Variants in ADORA2B observed in about 807,000 individuals in gnomAD.
ADORA2B encodes the protein adenosine receptor A2b.
Under a neutral mutation model 20.8 loss-of-function variants are expected in ADORA2B, and 18 were observed. The observed-to-expected ratio is 0.87, with a 90% confidence interval of 0.60 to 1.29. The LOEUF (loss-of-function observed/expected upper bound fraction) is 1.29, where lower values mean the gene tolerates loss of function less well. ADORA2B is among the 50% of genes most tolerant of loss of function. ADORA2B has a pLI of 0.00. For synonymous variants in ADORA2B, 179 were observed against 178.3 expected, an observed-to-expected ratio of 1.00 and a Z score of -0.03; for missense variants, 441 against 422.7, an observed-to-expected ratio of 1.04 and a Z score of -0.38.
chr17:15,869,210 C>T, the ADORA2B span, among the ~76,000 whole-genome samples: 3 of 151,566 alleles, frequency 2.0e-5, no homozygotes, highest in Non-Finnish European at 4.4e-5. Flanking sequence ...ATCCCAGCTA[C>T]TCGGGAGGCT....
chr17:15,968,211 G>T (rs2151607546), intron 1 of ADORA2B, among the ~76,000 whole-genome samples: 1 of 152,324 alleles, frequency 6.6e-6, no homozygotes, highest in African/African-American at 2.4e-5. Context: ...AACAGCACAG[G>T]TTTGAACTAT....
chr17:15,931,349 G>T, the ADORA2B span, among the ~76,000 whole-genome samples: 1 of 152,214 alleles, frequency 6.6e-6, no homozygotes, highest in East Asian at 1.9e-4. Flanking sequence ...GAAACCTTCA[G>T]TCCTCCCCAG....
chr17:15,866,736 T>TGCCGCTGCCG, the ADORA2B span, among the ~76,000 whole-genome samples: 4 of 130,976 alleles, frequency 3.1e-5, no homozygotes, highest in African/African-American at 1.2e-4. Context: ...TGCCGCTGCC[T>TGCCGCTGCCG]CTGCCTCTGC....
chr17:15,903,217 G>A, the ADORA2B span, among the ~76,000 whole-genome samples: 883 of 152,270 alleles, frequency 5.8e-3, 2 homozygotes, highest in Non-Finnish European at 9.0e-3. Context: ...GCTTTTGCAA[G>A]AAACATGGCA....
the ADORA2B span, among the ~76,000 whole-genome samples, chr17:15,874,129 C>T: frequency 1.3e-5 from 2 of 150,942 alleles, no homozygotes; most frequent in Non-Finnish European, 2.9e-5. Context: ...CACACACACA[C>T]ACACACACAC....
At chr17:15,866,700 T>TGCCGCTGCCGCTGCCG in the ADORA2B span, among the ~76,000 whole-genome samples, 9 of 123,246 alleles carry the variant, frequency 7.3e-5, no homozygotes, top group African/African-American at 2.7e-4. Context: ...TGCCTCTGCC[T>TGCCGCTGCCGCTGCCG]CTGCCGCTGC....
the ADORA2B span, among the ~76,000 whole-genome samples, chr17:15,874,635 T>C: frequency 6.6e-6 from 1 of 152,052 alleles, no homozygotes; most frequent in Non-Finnish European, 1.5e-5. Flanking sequence ...AAGGCTGCAG[T>C]GAACTGTGAT....
the ADORA2B span, among the ~76,000 whole-genome samples, chr17:15,862,617 AT>A: frequency 6.6e-6 from 1 of 151,834 alleles, no homozygotes; most frequent in Middle Eastern, 3.2e-3. Flanking sequence ...CTTAATCTCC[AT>A]TTATGCTGTA....
At chr17:15,876,150 A>G in the ADORA2B span, among the ~76,000 whole-genome samples, 2 of 152,018 alleles carry the variant, frequency 1.3e-5, no homozygotes, top group Non-Finnish European at 2.9e-5. Flanking sequence ...GGGTTCATAG[A>G]AGGTAAAATT....
chr17:15,868,508 C>A, the ADORA2B span, among the ~76,000 whole-genome samples: 1 of 138,400 alleles, frequency 7.2e-6, no homozygotes, highest in Non-Finnish European at 1.6e-5. Flanking sequence ...TGTGGTGGCT[C>A]ACGCCTGTAA....
the ADORA2B span, among the ~76,000 whole-genome samples, chr17:15,879,540 C>CT: frequency 0.039 from 5,496 of 139,368 alleles, 356 homozygotes; most frequent in African/African-American, 0.13. Flanking sequence ...AAAGGATTTT[C>CT]TTTTTTTTTT....
At chr17:15,895,866 A>G in the ADORA2B span, among the ~76,000 whole-genome samples, 3 of 152,148 alleles carry the variant, frequency 2.0e-5, no homozygotes, top group African/African-American at 7.2e-5. Flanking sequence ...GGAACAAGAG[A>G]CAAGGCCCTG....
At chr17:15,962,926 A>T (rs112692244) in intron 1 of ADORA2B, among the ~76,000 whole-genome samples, 7 of 152,204 alleles carry the variant, frequency 4.6e-5, no homozygotes, top group African/African-American at 1.7e-4. Flanking sequence ...ATATTTTGGC[A>T]TAGAAAGGTA....
At chr17:15,907,976 C>G in the ADORA2B span, among the ~76,000 whole-genome samples, 465 of 152,294 alleles carry the variant, frequency 3.1e-3, 3 homozygotes, top group African/African-American at 0.011. Context: ...AATGCTCAGC[C>G]CACATAATAG....
the ADORA2B span, among the ~76,000 whole-genome samples, chr17:15,933,761 C>T: frequency 2.7e-5 from 4 of 149,470 alleles, no homozygotes; most frequent in African/African-American, 9.9e-5. Context: ...TTGCAATATA[C>T]ATATATGTGT....
At position 15,946,229 on chromosome 17, in the gene ADORA2B, T is replaced by TA. The variant is rs1410240759; in HGVS notation, c.335+647dup. Among the ~76,000 whole-genome samples the TA allele has an allele frequency of 5.3e-5, 8 of 152,372 alleles. No homozygotes were observed. In the South Asian group the frequency reaches 1.7e-3, roughly 32 times the overall value. On this transcript the variant is annotated intron_variant, in intron 1 of 1. Coordinates refer to ENST00000304222, the MANE Select transcript of ADORA2B (RefSeq NM_000676.4). ...CAGATTATATACTTTTAAAAGGAGT[T>TA]ACAATGCTTCCTCGTGTCTGGCAAA...
At chr17:15,946,790 C>T (rs150255463) in intron 1 of ADORA2B, among the ~76,000 whole-genome samples, 3 of 152,222 alleles carry the variant, frequency 2.0e-5, no homozygotes, top group South Asian at 2.1e-4. Flanking sequence ...CAGCTGGCAC[C>T]GTGTCCCCAC....
intron 1 of ADORA2B, among the ~76,000 whole-genome samples, chr17:15,947,544 C>G (rs914604373): frequency 6.6e-6 from 1 of 152,232 alleles, no homozygotes; most frequent in Non-Finnish European, 1.5e-5. Flanking sequence ...CACTGAGGCT[C>G]GCCCCATCCT....
At chr17:15,901,070 G>A in the ADORA2B span, among the ~76,000 whole-genome samples, 1 of 152,168 alleles carries the variant, frequency 6.6e-6, no homozygotes, top group African/African-American at 2.4e-5. Flanking sequence ...TGCACACACA[G>A]ACTGGGTGCT....
Sources: gnomAD v4.1 joint callset for allele counts (sites outside exome capture counted in the v4.1 genomes callset) on GRCh38, gnomAD v4.1.1 for gene constraint, MANE v1.5 for transcripts, NCBI Gene and HGNC (gene_info 2026-07-23, HGNC 2026-07-21) for gene names.